The following OGDH variants were observed in gnomAD, a reference collection of about 807,000 sequenced individuals.
OGDH encodes 2-oxoglutarate dehydrogenase complex component E1.
A neutral mutation model predicts 116.6 loss-of-function variants in OGDH; 38 were observed. The observed-to-expected ratio is 0.33, with a 90% confidence interval of 0.25 to 0.43. OGDH has a LOEUF of 0.43. Among genes scored for constraint, OGDH ranks in the 20% least tolerant of loss-of-function variants. The pLI, the probability that OGDH is intolerant of heterozygous loss-of-function variation, is 1.00. For synonymous variants in OGDH, 488 were observed against 533.3 expected (o/e 0.92, Z 1.17); for missense variants, 825 against 1,357.2 (o/e 0.61, Z 6.16).
chr7:44,673,622 G>T (rs184504373), intron 5 of OGDH, among the ~76,000 whole-genome samples, 165 bp from the exon 6 acceptor site: 179 of 152,322 alleles, frequency 1.2e-3, no homozygotes, highest in Non-Finnish European at 1.7e-3. Context: ...GAGGGCTTCT[G>T]CCTGGCACCC....
chr7:44,696,489 A>C lies in OGDH; in HGVS notation c.1832A>C (p.Glu611Ala). ...TCCTGCCCCTCCACGGGTCTGACGG[A>C]GGATATTCTGACACACATCGGGAAT... ...SMSCPSTGLT[E>A]DILTHIGNVA... The change falls in exon 14 of 23, where the codon GAG becomes GCG. Residue 611 changes from glutamate (E) to alanine (A), a missense_variant. Physicochemically the swap from Glu to Ala is moderately radical, Grantham distance 107. Transcript: ENST00000222673. 1 of 1,614,184 alleles carries C rather than the reference A, an allele frequency of 6.2e-7. No homozygotes were observed. Among genetic ancestry groups the C allele is most frequent in the Non-Finnish European group, 8.5e-7 (1 of 1,180,036 alleles).
At chr7:44,636,744 C>T (rs1442906737) in intron 2 of OGDH, among the ~76,000 whole-genome samples, 1 of 152,184 alleles carries the variant, frequency 6.6e-6, no homozygotes, top group African/African-American at 2.4e-5. Flanking sequence ...TGACTTTTGA[C>T]TTGGAAAACA....
chr7:44,681,773 G>A lies in OGDH; in HGVS notation c.1260G>A (p.Val420=). The A allele has an allele frequency of 1.2e-6, 2 of 1,614,130 alleles. No individual in the cohort carries two copies. The highest frequency in any genetic ancestry group is 1.7e-6 in the Non-Finnish European group (2 of 1,180,028). The part of the protein sequence containing the change: ...GDAAFAGQGI[V]YETFHLSDLP... ...CTGCATTTGCTGGCCAGGGCATTGT[G>A]TACGAGACCTTCCACCTCAGCGACC... is the stretch of plus-strand genomic sequence containing the variant. The change falls in exon 10 of 23, where the codon GTG becomes GTA. Residue 420 remains valine, a synonymous_variant. Transcript: ENST00000222673.
At chr7:44,691,360 C>CACAAA (rs986657529) in intron 10 of OGDH, among the ~76,000 whole-genome samples, 5 of 151,430 alleles carry the variant, frequency 3.3e-5, no homozygotes, top group Admixed American at 6.6e-5. Context: ...CCTGTCTCTA[C>CACAAA]ACAAAACAAA....
intron 5 of OGDH, among the ~76,000 whole-genome samples, chr7:44,672,597 G>A (rs1562658877): frequency 2.0e-5 from 3 of 151,788 alleles, no homozygotes; most frequent in Admixed American, 6.6e-5. Flanking sequence ...GCCTCTGCAG[G>A]AGTACCAGGA....
In OGDH at chr7:44,697,324, T is replaced by C; in HGVS notation, c.2052-46T>C. 6.2e-7 allele frequency: 1 copy of C among 1,611,772 alleles called. No homozygotes were observed. Among genetic ancestry groups the C allele is most frequent in the South Asian group, 1.1e-5 (1 of 90,956 alleles). On this transcript the variant is annotated intron_variant, in intron 15 of 22. Transcript: ENST00000222673. The surrounding 1 kb of genome is among the most constrained non-coding windows in gnomAD (Gnocchi z 6.0). Reference sequence around the variant, plus strand: ...CGTGCGGGTCCCCAGCGTATTTGCTTGTCAAGTCAGAGCTCCTAATTATTA... The same window carrying C: ...CGTGCGGGTCCCCAGCGTATTTGCTCGTCAAGTCAGAGCTCCTAATTATTA...
At position 44,697,533 on chromosome 7, in the gene OGDH, C is replaced by G. The variant is rs1788638753; in HGVS notation, c.2179+36C>G. On this transcript the variant is annotated intron_variant, in intron 16 of 22. Coordinates refer to ENST00000222673, the MANE Select transcript of OGDH (RefSeq NM_002541.4). This position sits in a 1 kb window ranked among gnomAD's most constrained non-coding sequence, Gnocchi z 6.0. ...GGAGCCACACCACCAGGGCCTGTCA[C>G]CCACCCACCCCCGCTGGGCCTACTG... 6.2e-7 allele frequency: 1 copy of G among 1,613,192 alleles called. No individual in the cohort carries two copies. Among genetic ancestry groups the G allele is most frequent in the African/African-American group, 1.3e-5 (1 of 75,024 alleles).
intron 2 of OGDH, among the ~76,000 whole-genome samples, chr7:44,634,277 A>G (rs551060770): frequency 2.6e-5 from 4 of 152,234 alleles, no homozygotes; most frequent in Non-Finnish European, 5.9e-5. Context: ...TCCAGACCGT[A>G]CACTGCTACT....
At chr7:44,678,170 T>C (rs779421563) in intron 9 of OGDH, among the ~76,000 whole-genome samples, 1 of 152,014 alleles carries the variant, frequency 6.6e-6, no homozygotes, top group Non-Finnish European at 1.5e-5. Flanking sequence ...CTGGGGAACC[T>C]GCAGCCCCCG....
At position 44,696,871 on chromosome 7, in the gene OGDH, C is replaced by A. The variant is rs759299917; in HGVS notation, c.1901-43C>A. 7 of 1,560,332 alleles carry A rather than the reference C, an allele frequency of 4.5e-6. No individual in the cohort carries two copies. The Middle Eastern group carries it at 6.7e-4, about 150-fold the overall frequency. Reference sequence around the variant, plus strand: ...CGCTGAGAAGCAAGGCAGGCATGTGCAGGCAGGGCCTGCAGCAGCTGGTGA... The same window carrying A: ...CGCTGAGAAGCAAGGCAGGCATGTGAAGGCAGGGCCTGCAGCAGCTGGTGA... On this transcript the variant is annotated intron_variant, in intron 14 of 22. Transcript: ENST00000222673.
chr7:44,607,182 G>A (rs1004988175), intron 1 of OGDH, among the ~76,000 whole-genome samples: 5 of 152,222 alleles, frequency 3.3e-5, no homozygotes, highest in Admixed American at 6.5e-5. Context: ...GGTGGCCCTG[G>A]GTGGGACTGC....
chr7:44,695,419 G>A (rs1001306162), intron 12 of OGDH, among the ~76,000 whole-genome samples: 2 of 152,164 alleles, frequency 1.3e-5, no homozygotes, highest in Non-Finnish European at 2.9e-5. Context: ...AAGAAAAAAT[G>A]TGGTGGGCTG....
chr7:44,682,342 G>A (rs964338317), intron 10 of OGDH, among the ~76,000 whole-genome samples: 10 of 150,864 alleles, frequency 6.6e-5, no homozygotes, highest in Admixed American at 4.0e-4. Context: ...CCAAGATTGC[G>A]CCATTGCATT....
At chr7:44,682,479 C>G (rs990459151) in intron 10 of OGDH, among the ~76,000 whole-genome samples, 1 of 151,580 alleles carries the variant, frequency 6.6e-6, no homozygotes, top group African/African-American at 2.4e-5. Flanking sequence ...GGGCAGATCA[C>G]TTGAGGCCAG....
rs201390422 is a variant in OGDH, at chr7:44,696,413, G to A, written c.1772-16G>A. ...GTAGAGCAGATGTCATGCCTCAGTT[G>A]TTCTTCTTCTCCTAGGCTTCTTCAC... On this transcript the variant is annotated splice_polypyrimidine_tract_variant and intron_variant, in intron 13 of 22. Transcript: ENST00000222673. 1.3e-5 allele frequency: 21 copies of A among 1,608,440 alleles called. No individual in the cohort carries two copies. In the Admixed American group the frequency reaches 1.7e-4, roughly 13 times the overall value.
chr7:44,635,905 A>G (rs1330973356), intron 2 of OGDH, among the ~76,000 whole-genome samples: 1 of 152,038 alleles, frequency 6.6e-6, no homozygotes, highest in Non-Finnish European at 1.5e-5. Flanking sequence ...GGGTTTCACC[A>G]TGTTGGCCAG....
intron 10 of OGDH, among the ~76,000 whole-genome samples, chr7:44,686,083 A>C (rs766314077): frequency 2.0e-5 from 3 of 148,906 alleles, no homozygotes; most frequent in Admixed American, 6.8e-5. Flanking sequence ...ATGGACAGTC[A>C]TGTGACTTCA....
In OGDH at chr7:44,697,550, G is replaced by C; in HGVS notation, c.2179+53G>C. Reference sequence around the variant, plus strand: ...GCCTGTCACCCACCCACCCCCGCTGGGCCTACTGGCTGGTGTCCTGGACAT... The same window carrying C: ...GCCTGTCACCCACCCACCCCCGCTGCGCCTACTGGCTGGTGTCCTGGACAT... On this transcript the variant is annotated intron_variant, in intron 16 of 22. Coordinates refer to ENST00000222673, the MANE Select transcript of OGDH (RefSeq NM_002541.4). The surrounding 1 kb of genome is among the most constrained non-coding windows in gnomAD (Gnocchi z 6.0). 1 of 1,613,688 alleles carries C rather than the reference G, an allele frequency of 6.2e-7. No individual in the cohort carries two copies. Among genetic ancestry groups the C allele is most frequent in the Non-Finnish European group, 8.5e-7 (1 of 1,179,698 alleles).
chr7:44,682,408 A>G (rs571307079), intron 10 of OGDH, among the ~76,000 whole-genome samples: 86 of 150,720 alleles, frequency 5.7e-4, no homozygotes, highest in African/African-American at 2.0e-3. Flanking sequence ...GAAAAGAAAA[A>G]AAGTTAGCAC....
Sources: gnomAD v4.1 joint callset for allele counts (sites outside exome capture counted in the v4.1 genomes callset) on GRCh38, gnomAD v4.1.1 for gene constraint, Gnocchi (gnomAD v3.1) non-coding constraint, MANE v1.5 for transcripts, NCBI Gene and HGNC (gene_info 2026-07-23, HGNC 2026-07-21) for gene names.